The following WDR25 variants were observed in gnomAD, a reference collection of about 807,000 sequenced individuals.
The protein encoded by WDR25 is WD repeat-containing protein 25.
In WDR25, 35 loss-of-function variants were observed where a neutral mutation model predicts 47.7. The observed-to-expected ratio is 0.73, with a 90% confidence interval of 0.56 to 0.97. The LOEUF is 0.97. Ranked by LOEUF, WDR25 falls within the 50% of genes least tolerant of loss-of-function variation. The pLI, the probability that WDR25 is intolerant of heterozygous loss-of-function variation, is 0.00. For synonymous variants in WDR25, 248 were observed against 278.9 expected (o/e 0.89, Z 1.10); for missense variants, 634 against 704.7 (o/e 0.90, Z 1.14).
chr14:100,473,604 G>A (rs372030993), intron 3 of WDR25, among the ~76,000 whole-genome samples: 11 of 152,328 alleles, frequency 7.2e-5, no homozygotes, highest in East Asian at 3.9e-4. Flanking sequence ...AGGGAAAGAT[G>A]CCTCTTCAGT....
chr14:100,448,329 A>G (rs567613842), intron 2 of WDR25, among the ~76,000 whole-genome samples: 1 of 152,296 alleles, frequency 6.6e-6, no homozygotes, highest in South Asian at 2.1e-4. Flanking sequence ...GGAAACTGCC[A>G]GCAGGTTGCA....
At position 100,502,500 on chromosome 14, in the gene WDR25, G is replaced by A. The variant is rs904252367; in HGVS notation, c.1101+18376G>A. ...TCTCCTGGAGCTGGGGGAGCTGGGG[G>A]ACCCAAGACACTCACAGGCTGCTCC... On this transcript the variant is annotated intron_variant, in intron 4 of 6. Coordinates refer to ENST00000402312, the MANE Select transcript of WDR25 (RefSeq NM_001161476.3). The surrounding 1 kb of genome is among the most constrained non-coding windows in gnomAD (Gnocchi z 4.5). Among the ~76,000 whole-genome samples the A allele has an allele frequency of 1.3e-5, 2 of 152,184 alleles. No homozygotes were observed. Among genetic ancestry groups the A allele is most frequent in the African/African-American group, 2.4e-5 (1 of 41,446 alleles).
intron 3 of WDR25, among the ~76,000 whole-genome samples, chr14:100,472,803 G>A (rs989922200): frequency 2.0e-5 from 3 of 152,162 alleles, no homozygotes; most frequent in African/African-American, 7.2e-5. Flanking sequence ...TAGGGCTCTC[G>A]AGTGGGTATA....
At chr14:100,433,358 G>A (rs183603572) in intron 2 of WDR25, among the ~76,000 whole-genome samples, 10 of 152,222 alleles carry the variant, frequency 6.6e-5, no homozygotes, top group African/African-American at 1.9e-4. Flanking sequence ...AGTGTTCCGG[G>A]TGATGCTGTG....
intron 4 of WDR25, among the ~76,000 whole-genome samples, chr14:100,524,343 A>C (rs2030008226): frequency 6.6e-6 from 1 of 151,938 alleles, no homozygotes; most frequent in African/African-American, 2.4e-5. Context: ...AGCGAGTGGC[A>C]GGGAGGGCCG....
chr14:100,487,978 C>G (rs943735495), intron 4 of WDR25, among the ~76,000 whole-genome samples: 3 of 152,192 alleles, frequency 2.0e-5, no homozygotes, highest in East Asian at 3.8e-4. Flanking sequence ...TTGGAACATA[C>G]AACTTTTTAG....
At chr14:100,458,854 T>G (rs1899287775) in intron 2 of WDR25, among the ~76,000 whole-genome samples, 1 of 152,104 alleles carries the variant, frequency 6.6e-6, no homozygotes, top group Non-Finnish European at 1.5e-5. Flanking sequence ...GGAATGCAAA[T>G]GAAAACACAA....
intron 2 of WDR25, among the ~76,000 whole-genome samples, chr14:100,389,509 T>C (rs995466889): frequency 6.6e-6 from 1 of 152,138 alleles, no homozygotes; most frequent in Non-Finnish European, 1.5e-5. Flanking sequence ...GGACCCCTCA[T>C]ATACTGGGGG....
intron 4 of WDR25, among the ~76,000 whole-genome samples, chr14:100,508,091 C>T (rs1803209198): frequency 6.6e-6 from 1 of 152,138 alleles, no homozygotes; most frequent in Non-Finnish European, 1.5e-5. Flanking sequence ...AAGTAGGCTT[C>T]ATTCCTCGGA....
rs373713491 is a variant in WDR25, at chr14:100,422,519, T to C, written c.822+40773T>C. Among the ~76,000 whole-genome samples the C allele has an allele frequency of 2.1e-3, 325 of 152,316 alleles. 1 individual carries two copies. Among genetic ancestry groups the C allele is most frequent in the Non-Finnish European group, 3.4e-3 (230 of 68,024 alleles). On this transcript the variant is annotated intron_variant, in intron 2 of 6. Coordinates refer to ENST00000402312, the MANE Select transcript of WDR25 (RefSeq NM_001161476.3). The stretch of plus-strand genomic sequence containing the variant: ...AGCCTCACAGAGTTGGTAGACCTGT[T>C]TTCATACTGGCATTTATAGATGTAC...
chr14:100,476,738 T>C (rs1334693634), intron 3 of WDR25, among the ~76,000 whole-genome samples: 2 of 152,084 alleles, frequency 1.3e-5, no homozygotes, highest in African/African-American at 4.8e-5. Context: ...CAGGGTGCCG[T>C]GTGATGCGTG....
intron 1 of WDR25, among the ~76,000 whole-genome samples, chr14:100,377,096 G>A (rs1021352982): frequency 6.6e-6 from 1 of 152,186 alleles, no homozygotes; most frequent in Non-Finnish European, 1.5e-5. Flanking sequence ...GGGAGCACGG[G>A]CACCCTGGTG....
chr14:100,463,121 C>T (rs1292697466), intron 2 of WDR25, among the ~76,000 whole-genome samples: 2 of 145,618 alleles, frequency 1.4e-5, no homozygotes, highest in East Asian at 4.1e-4. Flanking sequence ...TTCCGTTTCC[C>T]ATCCTGTGTT....
intron 2 of WDR25, among the ~76,000 whole-genome samples, chr14:100,405,508 GT>G (rs1183843067): frequency 1.3e-5 from 2 of 152,230 alleles, no homozygotes; most frequent in East Asian, 3.8e-4. Context: ...TGGGGCTGGG[GT>G]GCAGGGGATG....
At position 100,428,644 on chromosome 14, in the gene WDR25, G is replaced by T. The variant is rs1898239656; in HGVS notation, c.823-39377G>T. Among the ~76,000 whole-genome samples the T allele has an allele frequency of 6.6e-6, 1 of 152,148 alleles. No individual in the cohort carries two copies. On this transcript the variant is annotated intron_variant, in intron 2 of 6. Coordinates refer to ENST00000402312, the MANE Select transcript of WDR25 (RefSeq NM_001161476.3). The surrounding 1 kb of genome is among the most constrained non-coding windows in gnomAD (Gnocchi z 4.3). ...TGCCAGCGGAGCCCCCTCTTCCCTG[G>T]TCTTATCCCTCGGAGGTGCTCTGCT...
chr14:100,521,944 T>C (rs933226484), intron 4 of WDR25, among the ~76,000 whole-genome samples: 3 of 152,208 alleles, frequency 2.0e-5, no homozygotes, highest in Non-Finnish European at 4.4e-5. Flanking sequence ...TGCAAAACTT[T>C]GGGATTTTGT....
chr14:100,483,336 A>T (rs965882380), intron 3 of WDR25, among the ~76,000 whole-genome samples: 6 of 152,316 alleles, frequency 3.9e-5, no homozygotes, highest in Middle Eastern at 3.4e-3. Flanking sequence ...ACAACAGTTT[A>T]TGATGTATTT....
At chr14:100,465,415 A>T (rs1442569649) in intron 2 of WDR25, among the ~76,000 whole-genome samples, 1 of 152,018 alleles carries the variant, frequency 6.6e-6, no homozygotes, top group Non-Finnish European at 1.5e-5. Flanking sequence ...TATCTCTATG[A>T]TTTTGACTAC....
intron 2 of WDR25, among the ~76,000 whole-genome samples, chr14:100,411,228 T>A (rs1422115876): frequency 6.6e-6 from 1 of 152,176 alleles, no homozygotes; most frequent in Non-Finnish European, 1.5e-5. Flanking sequence ...GACCCCAGCT[T>A]CCTAGCTCTG....
Sources: gnomAD v4.1 joint callset for allele counts (sites outside exome capture counted in the v4.1 genomes callset) on GRCh38, gnomAD v4.1.1 for gene constraint, Gnocchi (gnomAD v3.1) non-coding constraint, MANE v1.5 for transcripts, NCBI Gene and HGNC (gene_info 2026-07-23, HGNC 2026-07-21) for gene names.